The following GRB7 variants were observed in gnomAD, a reference collection of about 807,000 sequenced individuals.
GRB7 encodes growth factor receptor bound protein 7.
A neutral mutation model predicts 64.1 loss-of-function variants in GRB7; 47 were observed. That is an observed-to-expected ratio of 0.73 (90% confidence interval 0.58 to 0.94). The LOEUF (loss-of-function observed/expected upper bound fraction) is 0.94. Among genes scored for constraint, GRB7 ranks in the 40% least tolerant of loss-of-function variants. GRB7 has a pLI of 0.00. For synonymous variants in GRB7, 277 were observed against 279.9 expected (o/e 0.99, Z 0.10); for missense variants, 634 against 718.4 (o/e 0.88, Z 1.34).
In GRB7 at chr17:39,745,028, G is replaced by A. The variant is rs759429638; in HGVS notation, c.1011+44G>A. 75 of 1,489,486 alleles carry A rather than the reference G, an allele frequency of 5.0e-5. 3 individuals carry two copies. The South Asian group carries it at 7.8e-4, about 15-fold the overall frequency. 92.3% of individuals were successfully genotyped at this position (1,489,486 alleles called of 1,614,324 possible). A position where few individuals can be genotyped will look rare whatever the true frequency, so the allele number is the denominator to read the frequency against. Reference sequence around the variant, plus strand: ...CATGGGGGGCTGGCCTGGCCAGAGGGATCCCCAGCTCTGCCCTCAGGAAGT... The same window carrying A: ...CATGGGGGGCTGGCCTGGCCAGAGGAATCCCCAGCTCTGCCCTCAGGAAGT... On this transcript the variant is annotated intron_variant, in intron 9 of 14. Transcript: ENST00000309156.
Position 39,742,285 on chromosome 17 carries a change from T to C in GRB7, c.-17T>C, listed in dbSNP as rs748358808. ...CACACAACTGGTTCCGTTAAGCCCC[T>C]CTCTTGCTCAGACGCCATGGAGCTG... On this transcript the variant is annotated 5_prime_UTR_variant, in exon 2 of 15. Transcript: ENST00000309156. 75 of 1,613,768 alleles carry C rather than the reference T, an allele frequency of 4.6e-5. No individual in the cohort carries two copies. The highest frequency in any genetic ancestry group is 6.2e-5 in the Non-Finnish European group (73 of 1,179,868).
Position 39,745,717 on chromosome 17 carries a change from C to T in GRB7, c.1210-11C>T, listed in dbSNP as rs2060039425. 2 of 1,613,208 alleles carry T rather than the reference C, an allele frequency of 1.2e-6. No individual in the cohort carries two copies. The highest frequency in any genetic ancestry group is 1.7e-6 in the Non-Finnish European group (2 of 1,179,950). On this transcript the variant is annotated splice_polypyrimidine_tract_variant and intron_variant, in intron 11 of 14. Coordinates refer to ENST00000309156, the MANE Select transcript of GRB7 (RefSeq NM_005310.5). ...CGCCCCGACTCTCCCGTATCTCCCA[C>T]TGCTCCACAGAAGAAGACAAACCAC...
At position 39,745,853 on chromosome 17, in the gene GRB7, G is replaced by A. The variant is rs1284814556; in HGVS notation, c.1271-60G>A. The stretch of plus-strand genomic sequence containing the variant: ...AACTTCTCTTTGTATTCCCAGTGGG[G>A]AGTAGATGGTATAGGGGTCCCCTCC... On this transcript the variant is annotated intron_variant, in intron 12 of 14. Coordinates refer to ENST00000309156, the MANE Select transcript of GRB7 (RefSeq NM_005310.5). 3.7e-6 allele frequency: 6 copies of A among 1,612,260 alleles called. No individual in the cohort carries two copies. The Admixed American group carries it at 6.7e-5, about 18-fold the overall frequency.
At chr17:39,739,060 GC>G (rs978727796) in intron 1 of GRB7, 1 of 716,998 alleles carries the variant, frequency 1.4e-6, no homozygotes, top group African/African-American at 1.8e-5. Context: ...GCTTGATGAG[GC>G]TAGGGAGAGA....
chr17:39,742,597 T>C lies in GRB7; in HGVS notation c.187T>C (p.Ser63Pro). 3 of 1,613,294 alleles carry C rather than the reference T, an allele frequency of 1.9e-6. No homozygotes were observed. Among genetic ancestry groups the C allele is most frequent in the Non-Finnish European group, 2.5e-6 (3 of 1,179,814 alleles). Residue 63 changes from serine to proline, a missense_variant, in exon 3 of 15, where the codon TCC (serine) becomes CCC (proline). Ser to Pro is a moderately conservative substitution (Grantham distance 74, BLOSUM62 -1). Coordinates refer to ENST00000309156, the MANE Select transcript of GRB7 (RefSeq NM_005310.5). Reference protein sequence around the residue: ...KLREEERRATSLPSIPNPFPE... With the variant: ...KLREEERRATPLPSIPNPFPE... ...TCGAGAGGAGGAGAGGCGTGCCACC[T>C]CCCTCCCCTCTATCCCCAACCCCTT...
chr17:39,746,642 AAAAGAAAAAAG>A lies in GRB7; in HGVS notation c.1453-105_1453-95del. 11 of 465,512 alleles carry A rather than the reference AAAAGAAAAAAG, an allele frequency of 2.4e-5. No homozygotes were observed. The Middle Eastern group carries it at 2.8e-3, about 118-fold the overall frequency. The allele number at this position is 465,512 out of a possible 1,614,324, so 28.8% of individuals were successfully genotyped here. On this transcript the variant is annotated intron_variant, in intron 14 of 14. Transcript: ENST00000309156. The stretch of plus-strand genomic sequence containing the variant: ...AAAAAAAAAAAAAGAAAGAAAAAGA[AAAAGAAAAAAG>A]AAAAGAATAAAAGGAAATGGTGGGG...
rs764605315 is a variant in GRB7 at position 39,746,202 on chromosome 17, G to C, written c.1452G>C (p.Pro484=). The change falls in exon 14 of 15, where the codon CCG becomes CCC. Residue 484 remains proline (P), a splice_region_variant and synonymous_variant. Transcript: ENST00000309156. ...LQKVKHYLIL[P]SEEEGRLYFS... is the part of the protein sequence containing the mutation. ...AAGTGAAGCATTATCTCATCCTGCC[G>C]GTGAGCTTCCCTGCGTCCCCGGAGT... The C allele has an allele frequency of 9.3e-6, 15 of 1,612,850 alleles. No homozygotes were observed. The highest frequency in any genetic ancestry group is 1.3e-5 in the African/African-American group (1 of 74,830).
intron 14 of GRB7, 62 bp from the exon 15 acceptor site, chr17:39,746,689 G>T: frequency 1.3e-6 from 2 of 1,577,754 alleles, no homozygotes; most frequent in South Asian, 2.2e-5. Context: ...CCCTGGCCCA[G>T]GAGGGAGCTT....
chr17:39,745,032 C>T (rs1567929160), intron 9 of GRB7, 48 bp downstream of exon 9: 2 of 1,440,184 alleles, frequency 1.4e-6, no homozygotes. Flanking sequence ...CAGAGGGATC[C>T]CCAGCTCTGC....
chr17:39,743,239 G>GGA lies in GRB7; in HGVS notation c.526_527dup (p.Asp176GlufsTer50), dbSNP rs1567927168. The GGA allele has an allele frequency of 6.2e-7, 1 of 1,614,172 alleles. No homozygotes were observed. The highest frequency in any genetic ancestry group is 8.5e-7 in the Non-Finnish European group (1 of 1,180,028). On this transcript the variant is annotated frameshift_variant, in exon 5 of 15. Coordinates refer to ENST00000309156, the MANE Select transcript of GRB7 (RefSeq NM_005310.5). LOFTEE classifies it high-confidence loss of function. ...AGTGCAGGCTGCCTGGCCCGTGGGC[G>GGA]GAGATAGCCGCTTCGTCTTCCGGAA...
At chr17:39,745,592 G>A in intron 11 of GRB7, 54 bp downstream of exon 11, 1 of 1,571,266 alleles carries the variant, frequency 6.4e-7, no homozygotes, top group Middle Eastern at 2.0e-4. Flanking sequence ...TCTCTGGGTG[G>A]GATCCCTGAA....
At chr17:39,738,638 A>G (rs2059970720) in intron 1 of GRB7, 1 of 357,270 alleles carries the variant, frequency 2.8e-6, no homozygotes, top group African/African-American at 2.1e-5. Flanking sequence ...GGAAGACCTG[A>G]TTCTCTCCTC....
Position 39,743,074 on chromosome 17 carries a change from C to G in GRB7, c.463+20C>G. The G allele has an allele frequency of 6.3e-7, 1 of 1,597,228 alleles. No homozygotes were observed. Among genetic ancestry groups the G allele is most frequent in the South Asian group, 1.1e-5 (1 of 88,762 alleles). On this transcript the variant is annotated intron_variant, in intron 4 of 14. Transcript: ENST00000309156. ...CACTGGGTAAGTCAGGTGCATGGAACTATCCGGGCTGGGAGATGATGCCTT... is the reference window on the plus strand; with the variant it reads ...CACTGGGTAAGTCAGGTGCATGGAAGTATCCGGGCTGGGAGATGATGCCTT...
At chr17:39,739,995 C>T (rs981261985) in intron 1 of GRB7, 1 of 985,478 alleles carries the variant, frequency 1.0e-6, no homozygotes, top group Non-Finnish European at 1.2e-6. Flanking sequence ...GACTGGCCCT[C>T]TCTGATCTCT....
In GRB7 at chr17:39,742,730, C is replaced by T. The variant is rs768029168; in HGVS notation, c.306+14C>T. Reference sequence around the variant, plus strand: ...AGCCGCCCCCATGTGAGTTGTCCCTCAGAAGGGAAGGGAGGGATGCACGGG... The same window carrying T: ...AGCCGCCCCCATGTGAGTTGTCCCTTAGAAGGGAAGGGAGGGATGCACGGG... On this transcript the variant is annotated intron_variant, in intron 3 of 14. Transcript: ENST00000309156. The T allele has an allele frequency of 9.1e-6, 14 of 1,544,600 alleles. No individual in the cohort carries two copies. Among genetic ancestry groups the T allele is most frequent in the Non-Finnish European group, 1.2e-5 (14 of 1,146,124 alleles).
intron 7 of GRB7, 126 bp from the exon 8 acceptor site, chr17:39,744,427 T>A: frequency 2.3e-6 from 2 of 861,882 alleles, no homozygotes. Flanking sequence ...TACTTCTATT[T>A]GCTGTGTGAC....
intron 14 of GRB7, 48 bp from the exon 15 acceptor site, chr17:39,746,703 A>G (rs1238144061): frequency 6.3e-7 from 1 of 1,593,954 alleles, no homozygotes; most frequent in South Asian, 1.1e-5. Context: ...GGAGCTTCCC[A>G]AGCCTCGGGC....
chr17:39,743,216 T>A lies in GRB7; in HGVS notation c.500T>A (p.Val167Glu). ...GLEDHESVVE[V>E]QAAWPVGGDS... ...GAGGACCACGAGTCCGTGGTGGAAGTGCAGGCTGCCTGGCCCGTGGGCGGA... is the reference window on the plus strand; with the variant it reads ...GAGGACCACGAGTCCGTGGTGGAAGAGCAGGCTGCCTGGCCCGTGGGCGGA... Residue 167 changes from valine to glutamate, a missense_variant, in exon 5 of 15, where the codon GTG becomes GAG. Physicochemically the swap from Val to Glu is moderately radical, Grantham distance 121 (BLOSUM62 -2). Around this residue, in one of 2 missense-constraint regions of GRB7, gnomAD observed 467 missense variants for 576.6 expected, o/e 0.81. Coordinates refer to ENST00000309156, the MANE Select transcript of GRB7 (RefSeq NM_005310.5). 3 of 1,614,172 alleles carry A rather than the reference T, an allele frequency of 1.9e-6. No individual in the cohort carries two copies. Among genetic ancestry groups the A allele is most frequent in the Non-Finnish European group, 2.5e-6 (3 of 1,180,018 alleles).
chr17:39,744,777 G>A, intron 8 of GRB7, 109 bp from the exon 9 acceptor site: 4 of 1,303,968 alleles, frequency 3.1e-6, no homozygotes, highest in Admixed American at 1.9e-5. Context: ...TCCTCTCCCT[G>A]CACCCTGGCC....
Sources: allele counts gnomAD v4.1 joint callset, GRCh38; gene constraint gnomAD v4.1.1; regional missense constraint gnomAD v4.1.1; transcripts MANE v1.5; gene names NCBI Gene and HGNC (gene_info 2026-07-23, HGNC 2026-07-21).